The following DCC variants were observed in gnomAD, a reference collection of about 807,000 sequenced individuals.
DCC encodes DCC netrin 1 receptor.
A neutral mutation model predicts 172.5 loss-of-function variants in DCC; 58 were observed. The ratio of observed to expected loss-of-function variants is 0.34; its 90% CI spans 0.27 to 0.42. The LOEUF is 0.42. Ranked by LOEUF, DCC falls within the 10% of genes least tolerant of loss-of-function variation. DCC has a pLI of 1.00. For missense variants in DCC, 1,740 were observed against 1,791.0 expected (o/e 0.97, Z 0.51); for synonymous variants, 709 against 644.5 (o/e 1.10, Z -1.52).
At chr18:52,868,033 G>GTATATATA (rs1555675493) in intron 2 of DCC, among the ~76,000 whole-genome samples, 12 of 120,470 alleles carry the variant, frequency 1.0e-4, no homozygotes, top group South Asian at 2.5e-4. Flanking sequence ...GTGTATGTGT[G>GTATATATA]TATATATATA....
chr18:52,419,745 C>G (rs1302276073), intron 1 of DCC: 1 of 152,052 alleles, frequency 6.6e-6, no homozygotes, highest in Non-Finnish European at 1.5e-5. Context: ...ATTCACTTGT[C>G]CACTTATTGT....
chr18:52,678,834 CCT>C (rs2035690990), intron 1 of DCC, among the ~76,000 whole-genome samples: 1 of 152,110 alleles, frequency 6.6e-6, no homozygotes, highest in African/African-American at 2.4e-5. Context: ...CTGTTCCTTT[CCT>C]CTGTTTTTCT....
intron 1 of DCC, among the ~76,000 whole-genome samples, chr18:52,642,798 C>G (rs536363038): frequency 6.6e-6 from 1 of 152,044 alleles, no homozygotes; most frequent in African/African-American, 2.4e-5. Flanking sequence ...CACCTAGTTG[C>G]GACTATGGGT....
At chr18:53,068,894 C>T (rs117696980) in intron 7 of DCC, among the ~76,000 whole-genome samples, 2,561 of 151,952 alleles carry the variant, frequency 0.017, 43 homozygotes, top group South Asian at 0.05. Flanking sequence ...AACCTGCCCC[C>T]AGTGTCTGAG....
At chr18:52,422,525 G>C (rs1342693814) in intron 1 of DCC, among the ~76,000 whole-genome samples, 1 of 152,130 alleles carries the variant, frequency 6.6e-6, no homozygotes, top group Non-Finnish European at 1.5e-5. Flanking sequence ...GGTTGCCCCA[G>C]AGTAAGGAAG....
At chr18:52,962,045 T>C (rs549203452) in intron 5 of DCC, among the ~76,000 whole-genome samples, 7 of 152,136 alleles carry the variant, frequency 4.6e-5, no homozygotes, top group Admixed American at 4.6e-4. Flanking sequence ...GACATAGGCA[T>C]GGGCAAGGAC....
At chr18:53,496,493 C>T (rs545581635) in intron 26 of DCC, among the ~76,000 whole-genome samples, 8 of 152,250 alleles carry the variant, frequency 5.3e-5, no homozygotes, top group Admixed American at 2.0e-4. Context: ...GATAAATCCA[C>T]GAAGATTAGG....
chr18:52,343,643 A>T (rs751793129), intron 1 of DCC, among the ~76,000 whole-genome samples: 1 of 152,206 alleles, frequency 6.6e-6, no homozygotes, highest in Non-Finnish European at 1.5e-5. Flanking sequence ...GATCTCAGAT[A>T]AGATAACAAT....
intron 13 of DCC, among the ~76,000 whole-genome samples, 162 bp downstream of exon 13, chr18:53,305,881 C>T (rs2057194558): frequency 6.6e-6 from 1 of 152,196 alleles, no homozygotes; most frequent in South Asian, 2.1e-4. Context: ...TTTAACTTTA[C>T]ATTCTCTATA....
intron 12 of DCC, among the ~76,000 whole-genome samples, chr18:53,279,197 C>T (rs368030124): frequency 4.6e-5 from 7 of 152,126 alleles, no homozygotes; most frequent in South Asian, 2.1e-4. Context: ...CACATGCACA[C>T]GTATGCTTAT....
chr18:52,660,434 C>T (rs2035337551), intron 1 of DCC, among the ~76,000 whole-genome samples: 1 of 151,980 alleles, frequency 6.6e-6, no homozygotes, highest in Non-Finnish European at 1.5e-5. Context: ...CTTTTAATTG[C>T]CTGGACTGGT....
rs931594781 is a variant in DCC at position 52,956,124 on chromosome 18, T to TA, written c.985+30760dup. ...TGGATTTTGCCTTTAGTGTTGTATC[T>TA]AAAAAATCAAAAAAACCTAAGTCAT... On this transcript the variant is annotated intron_variant, in intron 5 of 28. Coordinates refer to ENST00000442544, the MANE Select transcript of DCC (RefSeq NM_005215.4). Among the ~76,000 whole-genome samples the TA allele has an allele frequency of 2.0e-4, 31 of 152,150 alleles. No individual in the cohort carries two copies. In the East Asian group the frequency reaches 5.0e-3, roughly 25 times the overall value.
In DCC at chr18:53,047,266, A is replaced by T. The variant is rs867062510; in HGVS notation, c.986-16039A>T. On this transcript the variant is annotated intron_variant, in intron 5 of 28. Coordinates refer to ENST00000442544, the MANE Select transcript of DCC (RefSeq NM_005215.4). ...TATATATATATATATATATATATAT[A>T]TATATATATATATATATATATAATT... 8.2e-3 allele frequency among the ~76,000 whole-genome samples: 138 copies of T among 16,786 alleles called. 1 individual carries two copies. The highest frequency in any genetic ancestry group is 0.026 in the Middle Eastern group (1 of 38). The allele number at this position is 16,786 out of a possible 152,430, so 11.0% of individuals were successfully genotyped here.
At chr18:53,473,654 C>A (rs901620393) in intron 25 of DCC, among the ~76,000 whole-genome samples, 7 of 152,096 alleles carry the variant, frequency 4.6e-5, no homozygotes, top group African/African-American at 1.7e-4. Context: ...GTAAGATTAT[C>A]CTGATTTTAC....
chr18:52,951,446 C>G (rs763809357), intron 5 of DCC, among the ~76,000 whole-genome samples: 1 of 151,708 alleles, frequency 6.6e-6, no homozygotes, highest in African/African-American at 2.4e-5. Flanking sequence ...CTCCCACCCC[C>G]CGACAGGTCC....
intron 2 of DCC, among the ~76,000 whole-genome samples, chr18:52,816,384 A>G (rs1430960373): frequency 6.6e-6 from 1 of 152,232 alleles, no homozygotes; most frequent in African/African-American, 2.4e-5. Flanking sequence ...ATCCAGGCTC[A>G]CAGTGAATGT....
chr18:52,905,941 G>A, intron 2 of DCC, 103 bp from the exon 3 acceptor site: 3 of 878,984 alleles, frequency 3.4e-6, no homozygotes, highest in South Asian at 1.4e-5. Flanking sequence ...AAAACAGCTT[G>A]TAAAATATAA....
At chr18:52,574,655 C>G (rs1598924549) in intron 1 of DCC, among the ~76,000 whole-genome samples, 1 of 152,254 alleles carries the variant, frequency 6.6e-6, no homozygotes, top group South Asian at 2.1e-4. Flanking sequence ...TAGTTTGAAA[C>G]CACAAAACTT....
intron 12 of DCC, among the ~76,000 whole-genome samples, chr18:53,253,758 C>T (rs1356343531): frequency 6.6e-6 from 1 of 152,018 alleles, no homozygotes; most frequent in East Asian, 1.9e-4. Flanking sequence ...GACTAAGACA[C>T]CTCTCATACA....
Sources: gnomAD v4.1 joint callset for allele counts (sites outside exome capture counted in the v4.1 genomes callset) on GRCh38, gnomAD v4.1.1 for gene constraint, MANE v1.5 for transcripts, NCBI Gene and HGNC (gene_info 2026-07-23, HGNC 2026-07-21) for gene names.